Variants in CD247 observed in about 807,000 individuals in gnomAD.
The protein encoded by CD247 is T-cell surface glycoprotein CD3 zeta chain.
CD247 carries 13 observed loss-of-function variants against 30.0 expected under a neutral mutation model. The ratio of observed to expected loss-of-function variants is 0.43; its 90% CI spans 0.28 to 0.69. The LOEUF is 0.69. Ranked by LOEUF, CD247 falls within the 30% of genes least tolerant of loss-of-function variation. CD247 has a pLI of 0.16. For missense variants in CD247, 193 were observed against 212.6 expected (o/e 0.91, Z 0.57); for synonymous variants, 72 against 80.0 (o/e 0.90, Z 0.53).
At chr1:167,508,245 A>G (rs1655232469) in intron 1 of CD247, among the ~76,000 whole-genome samples, 1 of 152,194 alleles carries the variant, frequency 6.6e-6, no homozygotes, top group Non-Finnish European at 1.5e-5. Context: ...CCAAAGAGCT[A>G]TTGCGCGACG....
intron 1 of CD247, among the ~76,000 whole-genome samples, chr1:167,447,617 G>A (rs1037754439): frequency 5.9e-5 from 9 of 152,086 alleles, no homozygotes; most frequent in South Asian, 2.1e-4. Context: ...CTACGAAGGC[G>A]ACAACTGCAA....
chr1:167,510,410 G>A (rs1028200269), intron 1 of CD247, among the ~76,000 whole-genome samples: 2 of 152,162 alleles, frequency 1.3e-5, no homozygotes, highest in Admixed American at 6.5e-5. Context: ...ACATGCTGGC[G>A]TGCACATTGC....
intron 1 of CD247, among the ~76,000 whole-genome samples, chr1:167,456,045 A>C (rs2102019803): frequency 7.0e-6 from 1 of 143,828 alleles, no homozygotes; most frequent in Non-Finnish European, 1.5e-5. Context: ...GCAGGGAGGA[A>C]GCGCCAGGGG....
chr1:167,515,728 G>A (rs1243326975), intron 1 of CD247, among the ~76,000 whole-genome samples: 1 of 152,212 alleles, frequency 6.6e-6, no homozygotes, highest in Admixed American at 6.5e-5. Context: ...TCAGAAGAGG[G>A]ATGAGTTGGA....
At chr1:167,467,205 C>A (rs1558011531) in intron 1 of CD247, among the ~76,000 whole-genome samples, 1 of 151,356 alleles carries the variant, frequency 6.6e-6, no homozygotes, top group Non-Finnish European at 1.5e-5. Flanking sequence ...ATGCTCATTG[C>A]GGTGCACTTT....
intron 1 of CD247, among the ~76,000 whole-genome samples, chr1:167,504,733 C>T (rs570943100): frequency 5.3e-5 from 8 of 152,264 alleles, no homozygotes; most frequent in South Asian, 2.1e-4. Flanking sequence ...TTGTCATTAA[C>T]GGGACGCTAG....
chr1:167,469,232 C>T (rs529422492), intron 1 of CD247, among the ~76,000 whole-genome samples: 1 of 152,152 alleles, frequency 6.6e-6, no homozygotes. Flanking sequence ...ATCTGCCCCC[C>T]CTCAGCCTCC....
chr1:167,468,080 G>A (rs774007497), intron 1 of CD247, among the ~76,000 whole-genome samples: 2 of 151,910 alleles, frequency 1.3e-5, no homozygotes, highest in Non-Finnish European at 2.9e-5. Flanking sequence ...CGCTCACACC[G>A]ACATATAAAT....
intron 1 of CD247, among the ~76,000 whole-genome samples, chr1:167,465,484 T>G (rs2949668): frequency 6.6e-6 from 1 of 151,760 alleles, no homozygotes; most frequent in African/African-American, 2.4e-5. Flanking sequence ...CCCGGCATCA[T>G]GCCTGGCTAA....
intron 1 of CD247, among the ~76,000 whole-genome samples, chr1:167,463,293 C>T (rs1653105385): frequency 6.6e-6 from 1 of 152,206 alleles, no homozygotes; most frequent in Non-Finnish European, 1.5e-5. Flanking sequence ...GTACAGACAG[C>T]AAACTCAGAA....
chr1:167,511,546 A>G (rs770319214), intron 1 of CD247, among the ~76,000 whole-genome samples: 2 of 152,244 alleles, frequency 1.3e-5, no homozygotes, highest in Non-Finnish European at 2.9e-5. Flanking sequence ...CTAGAAAAAC[A>G]TATAGTTCTA....
At chr1:167,505,790 C>A (rs547843042) in intron 1 of CD247, among the ~76,000 whole-genome samples, 13 of 152,324 alleles carry the variant, frequency 8.5e-5, no homozygotes, top group African/African-American at 3.1e-4. Context: ...CCTTTTTGTA[C>A]CCCCTGAAAC....
chr1:167,515,748 A>C (rs960347024), intron 1 of CD247, among the ~76,000 whole-genome samples: 6 of 152,236 alleles, frequency 3.9e-5, no homozygotes, highest in African/African-American at 1.4e-4. Context: ...ATTGCAACAG[A>C]TGGAGAAAAT....
At chr1:167,466,495 C>T (rs1270694381) in intron 1 of CD247, among the ~76,000 whole-genome samples, 1 of 151,878 alleles carries the variant, frequency 6.6e-6, no homozygotes, top group Non-Finnish European at 1.5e-5. Context: ...ATAATTATTG[C>T]CTTGTCCTGC....
chr1:167,481,291 A>T, intron 1 of CD247, among the ~76,000 whole-genome samples: 1 of 152,242 alleles, frequency 6.6e-6, no homozygotes, highest in Admixed American at 6.5e-5. Flanking sequence ...CCTCTCAAAA[A>T]CAAACAAACA....
intron 1 of CD247, among the ~76,000 whole-genome samples, chr1:167,487,786 T>C (rs1041300102): frequency 3.9e-4 from 60 of 152,372 alleles, no homozygotes; most frequent in African/African-American, 1.3e-3. Context: ...TGGAGTGCAG[T>C]GGCACACGAT....
chr1:167,436,349 C>A (rs1651543576), intron 4 of CD247, among the ~76,000 whole-genome samples: 1 of 152,214 alleles, frequency 6.6e-6, no homozygotes. Flanking sequence ...CAATCCACAG[C>A]TAACACCACA....
intron 1 of CD247, among the ~76,000 whole-genome samples, chr1:167,487,275 G>T (rs965870884): frequency 2.0e-5 from 3 of 151,646 alleles, no homozygotes; most frequent in Admixed American, 6.6e-5. Context: ...TACTTGGGAG[G>T]TTCAGGCAGA....
rs938641560 is a variant in CD247 at position 167,431,712 on chromosome 1, G to A, written c.464C>T (p.Ala155Val). The A allele has an allele frequency of 2.5e-6, 4 of 1,614,178 alleles. No individual in the cohort carries two copies. The highest frequency in any genetic ancestry group is 1.1e-5 in the South Asian group (1 of 91,084). ...LSTATKDTYD[A>V]LHMQALPPR ...AGGGGGCAGGGCCTGCATGTGAAGGGCGTCGTAGGTGTCCTTGGTGGCTGT... is the reference window on the plus strand; with the variant it reads ...AGGGGGCAGGGCCTGCATGTGAAGGACGTCGTAGGTGTCCTTGGTGGCTGT... Residue 155 changes from alanine to valine, a missense_variant, in exon 8 of 8, where the codon GCC becomes GTC. Transcript: ENST00000362089.
Sources: gnomAD v4.1 joint callset for allele counts (sites outside exome capture counted in the v4.1 genomes callset) on GRCh38, gnomAD v4.1.1 for gene constraint, MANE v1.5 for transcripts, NCBI Gene and HGNC (gene_info 2026-07-23, HGNC 2026-07-21) for gene names.